RTL9: variants seen among roughly 807,000 people sequenced by gnomAD.
The protein encoded by RTL9 is retrotransposon Gag-like protein 9.
RTL9 carries 19 observed loss-of-function variants against 44.7 expected under a neutral mutation model. The ratio of observed to expected loss-of-function variants is 0.42; its 90% CI spans 0.30 to 0.62. RTL9 has a LOEUF of 0.62. Among genes scored for constraint, RTL9 ranks in the 20% least tolerant of loss-of-function variants. The probability of loss-of-function intolerance (pLI) is 0.16; values close to 1 mark genes in which losing one functional copy is unlikely to be tolerated. For missense variants in RTL9, 1,105 were observed against 1,080.6 expected (o/e 1.02, Z -0.32); for synonymous variants, 407 against 398.9 (o/e 1.02, Z -0.24).
intron 1 of RTL9, among the ~76,000 whole-genome samples, chrX:110,426,342 A>G (rs774180966): frequency 9.0e-6 from 1 of 111,595 alleles, no homozygotes; most frequent in Non-Finnish European, 1.9e-5. Flanking sequence ...TCTGTACCCT[A>G]ATGGACAATT....
chrX:110,454,767 G>C, intron 1 of RTL9, 103 bp downstream of exon 3: 1 of 697,735 alleles, frequency 1.4e-6, no homozygotes, highest in Non-Finnish European at 2.1e-6. Flanking sequence ...AAGAGGCAAG[G>C]GGGAGGCATG....
Position 110,451,895 on chromosome X carries a change from A to G in RTL9, c.1278A>G (p.Thr426=), listed in dbSNP as rs747681283. 11 of 1,209,490 alleles carry G rather than the reference A, an allele frequency of 9.1e-6. No homozygotes were observed. The East Asian group carries it at 2.7e-4, about 29-fold the overall frequency. ...CCCCAGCCTCTGGAAATATGTCTAC[A>G]TTGCAAAAGACAGTTCCAGCCTCTG... Residue 426 remains threonine, a synonymous_variant, in exon 1 of 2, where the codon ACA becomes ACG. Coordinates refer to ENST00000540313, the Ensembl canonical transcript of RTL9.
At chrX:110,380,222 C>G (rs1157321378) in intron 1 of RTL9, among the ~76,000 whole-genome samples, 6 of 111,652 alleles carry the variant, frequency 5.4e-5, no homozygotes. Context: ...GTGTTAGGGA[C>G]AGAACACAAA....
intron 1 of RTL9, among the ~76,000 whole-genome samples, chrX:110,435,131 G>A (rs1186643308): frequency 1.2e-5 from 1 of 86,435 alleles, no homozygotes; most frequent in Non-Finnish European, 2.3e-5. Context: ...AGGGAGGGAG[G>A]GGGAAGAAGG....
intron 1 of RTL9, among the ~76,000 whole-genome samples, chrX:110,375,902 T>A (rs1477505569): frequency 2.7e-5 from 3 of 111,597 alleles, no homozygotes; most frequent in African/African-American, 9.8e-5. Flanking sequence ...TTCAATGTGC[T>A]TATGGTAGGG....
At chrX:110,381,380 T>C (rs1485636791) in intron 1 of RTL9, among the ~76,000 whole-genome samples, 1 of 111,809 alleles carries the variant, frequency 8.9e-6, no homozygotes, top group Non-Finnish European at 1.9e-5. Context: ...TGAGATACCA[T>C]CTCACACCAG....
intron 1 of RTL9, among the ~76,000 whole-genome samples, chrX:110,377,363 C>G (rs1411962564): frequency 9.0e-6 from 1 of 111,662 alleles, no homozygotes; most frequent in Non-Finnish European, 1.9e-5. Context: ...AGCGAAACAC[C>G]GATACCTACA....
intron 1 of RTL9, among the ~76,000 whole-genome samples, chrX:110,397,909 TCAA>T (rs1232087122): frequency 8.9e-6 from 1 of 112,010 alleles, no homozygotes. Context: ...GTGCATTTAC[TCAA>T]CAAAATGATT....
chrX:110,399,760 G>A (rs1476066853), intron 1 of RTL9, among the ~76,000 whole-genome samples: 1 of 112,074 alleles, frequency 8.9e-6, no homozygotes, highest in Non-Finnish European at 1.9e-5. Context: ...TAAGACTATA[G>A]TGTGGGATGA....
At chrX:110,419,298 G>A (rs1168082557) in intron 1 of RTL9, among the ~76,000 whole-genome samples, 4 of 112,063 alleles carry the variant, frequency 3.6e-5, no homozygotes, top group South Asian at 3.8e-4. Context: ...GCCTTTGTTC[G>A]TGCTCCTGCC....
chrX:110,412,713 G>A (rs1443663765), intron 1 of RTL9, among the ~76,000 whole-genome samples: 1 of 112,343 alleles, frequency 8.9e-6, no homozygotes, highest in East Asian at 2.8e-4. Context: ...ATAAAGACAA[G>A]CTAGATCTTT....
intron 1 of RTL9, among the ~76,000 whole-genome samples, chrX:110,431,073 GC>G (rs1028340260): frequency 1.8e-5 from 2 of 112,017 alleles, no homozygotes; most frequent in African/African-American, 6.5e-5. Flanking sequence ...CATTCCTTTG[GC>G]TGCTCTCCAA....
chrX:110,423,160 C>T (rs955719314), intron 1 of RTL9, among the ~76,000 whole-genome samples: 1 of 110,580 alleles, frequency 9.0e-6, no homozygotes. Context: ...AAACCCTGTC[C>T]CTACTAAAAA....
intron 1 of RTL9, among the ~76,000 whole-genome samples, chrX:110,413,977 C>A (rs913917500): frequency 1.8e-5 from 2 of 111,916 alleles, no homozygotes; most frequent in African/African-American, 6.5e-5. Context: ...GTGACTGAGG[C>A]TCAGAGAGGT....
intron 1 of RTL9, among the ~76,000 whole-genome samples, chrX:110,395,123 T>G (rs984121015): frequency 8.9e-6 from 1 of 112,612 alleles, no homozygotes; most frequent in Non-Finnish European, 1.9e-5. Flanking sequence ...GGCTGCTTTG[T>G]GGGAAGCCAA....
At chrX:110,405,095 C>T (rs569106423) in intron 1 of RTL9, among the ~76,000 whole-genome samples, 5 of 100,506 alleles carry the variant, frequency 5.0e-5, no homozygotes, top group East Asian at 6.5e-4. Flanking sequence ...GTGTCCCCCC[C>T]CCCCCCAAGC....
At chrX:110,397,706 C>T (rs751076061) in intron 1 of RTL9, among the ~76,000 whole-genome samples, 24 of 111,277 alleles carry the variant, frequency 2.2e-4, no homozygotes, top group Non-Finnish European at 3.6e-4. Flanking sequence ...TTCCATTGGC[C>T]AAACCCATCA....
chrX:110,445,604 G>A (rs2068903974), upstream of RTL9, among the ~76,000 whole-genome samples: 1 of 111,858 alleles, frequency 8.9e-6, no homozygotes, highest in East Asian at 2.8e-4. Context: ...CAGTTATCTG[G>A]ATGCCTATTT....
upstream of RTL9, among the ~76,000 whole-genome samples, chrX:110,417,797 C>T (rs2068688462): frequency 8.9e-6 from 1 of 112,516 alleles, no homozygotes; most frequent in African/African-American, 3.2e-5. Context: ...TATTATTTTA[C>T]TGGCAACTTC....
Sources: gnomAD v4.1 joint callset for allele counts (sites outside exome capture counted in the v4.1 genomes callset) on GRCh38, gnomAD v4.1.1 for gene constraint, MANE v1.5 for transcripts, NCBI Gene and HGNC (gene_info 2026-07-23, HGNC 2026-07-21) for gene names.